Variants in TSNARE1 observed in about 807,000 individuals in gnomAD.
TSNARE1 encodes t-SNARE domain-containing protein 1.
Under a neutral mutation model 62.0 loss-of-function variants are expected in TSNARE1, and 49 were observed. The observed-to-expected ratio is 0.79, with a 90% CI of 0.63 to 1.00. The LOEUF is 1.00. TSNARE1 is among the 50% of genes least tolerant of loss of function. TSNARE1 has a pLI of 0.00. For synonymous variants in TSNARE1, 328 were observed against 294.4 expected, an observed-to-expected ratio of 1.11 and a Z score of -1.17; for missense variants, 755 against 700.1, an observed-to-expected ratio of 1.08 and a Z score of -0.88.
chr8:142,295,457 T>C (rs577876357), intron 10 of TSNARE1, among the ~76,000 whole-genome samples: 112 of 152,276 alleles, frequency 7.4e-4, no homozygotes, highest in African/African-American at 2.4e-3. Context: ...AACACCCCTG[T>C]GTATGCAGCT....
At chr8:142,359,947 C>T (rs896343758) in intron 1 of TSNARE1, among the ~76,000 whole-genome samples, 6 of 152,166 alleles carry the variant, frequency 3.9e-5, no homozygotes, top group East Asian at 1.9e-4. Context: ...CATGCTGGCT[C>T]GCTCGGATGG....
At chr8:142,405,264 ATCTCTGCCCC>A (rs1241668059), upstream of TSNARE1, 8 of 152,290 alleles carry the variant, frequency 5.3e-5, no homozygotes, top group Non-Finnish European at 1.2e-4. Context: ...CCCTTCCCTC[ATCTCTGCCCC>A]TCCCTGGAAG....
chr8:142,216,811 C>T (rs891556775), intron 13 of TSNARE1, among the ~76,000 whole-genome samples: 1 of 152,232 alleles, frequency 6.6e-6, no homozygotes, highest in African/African-American at 2.4e-5. Context: ...TTATCCTCCT[C>T]TCAGTCGACA....
rs79751487 is a variant in TSNARE1 at position 142,232,448 on chromosome 8, C to T, written c.1447-2869G>A. On this transcript the variant is annotated intron_variant, in intron 12 of 13. Transcript: ENST00000524325. ...CTCCCTGCGCTACGTCTCTACCCTC[C>T]ATCCCCCAACCCGCTGGGTTCAACA... Among the ~76,000 whole-genome samples the T allele has an allele frequency of 8.6e-4, 131 of 152,376 alleles. 1 individual carries two copies. In the East Asian group the frequency reaches 0.02, roughly 23 times the overall value.
At chr8:142,245,460 A>G (rs4976983) in intron 12 of TSNARE1, among the ~76,000 whole-genome samples, 86,547 of 152,066 alleles carry the variant, frequency 0.57, 26,786 homozygotes, top group African/African-American at 0.82. Flanking sequence ...CTAGGGTCAC[A>G]CAATGTCATC....
intron 13 of TSNARE1, among the ~76,000 whole-genome samples, chr8:142,217,338 A>AGAAAGAAG (rs1563750232): frequency 9.1e-6 from 1 of 109,480 alleles, no homozygotes; most frequent in Non-Finnish European, 1.9e-5. Context: ...AAAGAAAGAA[A>AGAAAGAAG]GAAAGAAAGA....
At chr8:142,368,805 C>T (rs534668817) in intron 1 of TSNARE1, among the ~76,000 whole-genome samples, 261 of 152,300 alleles carry the variant, frequency 1.7e-3, no homozygotes, top group Non-Finnish European at 2.9e-3. Context: ...GGATAAGGGC[C>T]GCAATGGCTG....
chr8:142,267,154 CTT>C (rs1337214729), intron 12 of TSNARE1, among the ~76,000 whole-genome samples: 6 of 152,184 alleles, frequency 3.9e-5, no homozygotes, highest in Non-Finnish European at 7.4e-5. Context: ...TATTTTTGCT[CTT>C]GTTGGATATT....
chr8:142,309,690 A>G (rs1485267416), intron 9 of TSNARE1, among the ~76,000 whole-genome samples: 1 of 152,210 alleles, frequency 6.6e-6, no homozygotes, highest in Non-Finnish European at 1.5e-5. Flanking sequence ...TGTTCATAAC[A>G]GAGACAGGCA....
chr8:142,249,183 G>C (rs1818032020), intron 12 of TSNARE1, among the ~76,000 whole-genome samples: 1 of 152,258 alleles, frequency 6.6e-6, no homozygotes. Flanking sequence ...ACATGAGGAA[G>C]GGGCTGAAGA....
At chr8:142,398,421 G>A (rs1435457482) in intron 1 of TSNARE1, among the ~76,000 whole-genome samples, 1 of 145,360 alleles carries the variant, frequency 6.9e-6, no homozygotes, top group East Asian at 2.0e-4. Flanking sequence ...CCCTCCCAAA[G>A]CACATCCCCA....
chr8:142,278,348 C>T (rs1207693713), intron 11 of TSNARE1: 4 of 985,338 alleles, frequency 4.1e-6, no homozygotes, highest in Admixed American at 6.1e-5. Context: ...CCACTGGGGG[C>T]GTTTGAGGCC....
intron 1 of TSNARE1, among the ~76,000 whole-genome samples, chr8:142,391,816 G>A (rs1837555178): frequency 6.6e-6 from 1 of 152,208 alleles, no homozygotes; most frequent in Non-Finnish European, 1.5e-5. Context: ...TCCATGCCTG[G>A]CTCACCCTTG....
intron 1 of TSNARE1, among the ~76,000 whole-genome samples, chr8:142,369,625 G>A (rs1053026207): frequency 6.6e-6 from 1 of 152,132 alleles, no homozygotes; most frequent in African/African-American, 2.4e-5. Flanking sequence ...GGGAAGCTCA[G>A]CAGAGAAATG....
chr8:142,272,311 T>C (rs544147639), intron 12 of TSNARE1, among the ~76,000 whole-genome samples: 1 of 137,092 alleles, frequency 7.3e-6, no homozygotes, highest in African/African-American at 2.8e-5. Context: ...CCTTCCTCCA[T>C]CTACCCATCC....
At chr8:142,333,865 G>A (rs945047630) in intron 4 of TSNARE1, among the ~76,000 whole-genome samples, 1 of 152,238 alleles carries the variant, frequency 6.6e-6, no homozygotes, top group Non-Finnish European at 1.5e-5. Flanking sequence ...GGCAAGGCCT[G>A]AGGGACGGCC....
At chr8:142,241,067 G>A (rs185366361) in intron 12 of TSNARE1, among the ~76,000 whole-genome samples, 2 of 152,344 alleles carry the variant, frequency 1.3e-5, no homozygotes, top group East Asian at 1.9e-4. Context: ...TGGAAAGGAA[G>A]AAGTTAAATT....
At chr8:142,235,395 A>G in intron 12 of TSNARE1, among the ~76,000 whole-genome samples, 1 of 71,158 alleles carries the variant, frequency 1.4e-5, no homozygotes. Context: ...CTGCCCCTCC[A>G]CCCCCACCCC....
At chr8:142,286,764 G>A (rs1422152254) in intron 10 of TSNARE1, among the ~76,000 whole-genome samples, 1 of 152,168 alleles carries the variant, frequency 6.6e-6, no homozygotes, top group Non-Finnish European at 1.5e-5. Flanking sequence ...CCCAGTTATA[G>A]ACGTGATCCC....
Sources: gnomAD v4.1 joint callset for allele counts (sites outside exome capture counted in the v4.1 genomes callset) on GRCh38, gnomAD v4.1.1 for gene constraint, MANE v1.5 for transcripts, NCBI Gene and HGNC (gene_info 2026-07-23, HGNC 2026-07-21) for gene names.